Variants in SOX5 observed in about 807,000 individuals in gnomAD.
SOX5 encodes SRY-box transcription factor 5.
SOX5 carries 9 observed loss-of-function variants against 92.0 expected under a neutral mutation model. The ratio of observed to expected loss-of-function variants is 0.10; its 90% CI spans 0.06 to 0.17. The LOEUF (loss-of-function observed/expected upper bound fraction) is 0.17. Ranked by LOEUF, SOX5 falls within the 10% of genes least tolerant of loss-of-function variation. The probability of loss-of-function intolerance (pLI) is 1.00; values close to 1 mark genes in which losing one functional copy is unlikely to be tolerated. For missense variants in SOX5, 642 were observed against 944.5 expected, an observed-to-expected ratio of 0.68 and a Z score of 4.20; for synonymous variants, 344 against 336.3, an observed-to-expected ratio of 1.02 and a Z score of -0.25.
intron 3 of SOX5, among the ~76,000 whole-genome samples, chr12:24,244,444 C>T (rs1938194149): frequency 6.6e-6 from 1 of 152,170 alleles, no homozygotes. Context: ...GGCCTATGCA[C>T]CAGCTGCAGT....
intron 1 of SOX5, among the ~76,000 whole-genome samples, chr12:24,468,494 C>T (rs1371129837): frequency 1.3e-5 from 2 of 151,854 alleles, no homozygotes. Context: ...ATTTCCTAGG[C>T]TTGGCCCCAA....
At chr12:24,061,275 G>A (rs758347705) in intron 4 of SOX5, among the ~76,000 whole-genome samples, 22 of 152,102 alleles carry the variant, frequency 1.4e-4, no homozygotes, top group Admixed American at 1.2e-3. Context: ...TAAGTATCCC[G>A]TAAGTATTAA....
chr12:24,336,073 GTT>G (rs1236831658), intron 2 of SOX5, among the ~76,000 whole-genome samples: 2 of 141,712 alleles, frequency 1.4e-5, no homozygotes, highest in Admixed American at 1.5e-4. Context: ...ATGGGGATAC[GTT>G]TTTTTTGTGT....
chr12:24,079,193 T>TA (rs527892706), intron 4 of SOX5, among the ~76,000 whole-genome samples: 7,304 of 144,182 alleles, frequency 0.051, 204 homozygotes, highest in Admixed American at 0.072. Flanking sequence ...ACAATAAAAT[T>TA]AAAAAAAAAA....
chr12:23,580,371 T>G (rs1022152456), intron 9 of SOX5, among the ~76,000 whole-genome samples: 1 of 152,060 alleles, frequency 6.6e-6, no homozygotes, highest in Non-Finnish European at 1.5e-5. Context: ...AGATAATATA[T>G]GTGCAATAAA....
chr12:23,912,601 G>A (rs2097363421), intron 1 of SOX5, among the ~76,000 whole-genome samples: 1 of 152,110 alleles, frequency 6.6e-6, no homozygotes, highest in African/African-American at 2.4e-5. Flanking sequence ...TCTGTTAAAT[G>A]ATGAATGAAA....
At chr12:23,667,678 G>T (rs901034548) in intron 6 of SOX5, among the ~76,000 whole-genome samples, 4 of 152,128 alleles carry the variant, frequency 2.6e-5, no homozygotes, top group African/African-American at 9.7e-5. Context: ...GTGAGGGGAA[G>T]TAGGAGATAA....
intron 1 of SOX5, among the ~76,000 whole-genome samples, chr12:23,904,575 T>C (rs1568833421): frequency 6.6e-6 from 1 of 152,220 alleles, no homozygotes; most frequent in Non-Finnish European, 1.5e-5. Context: ...TATTTACTTA[T>C]GAATAAATTA....
At position 24,271,839 on chromosome 12, in the gene SOX5, T is replaced by C. The variant is rs1337570274; in HGVS notation, c.-77+5377A>G. Among the ~76,000 whole-genome samples the C allele has an allele frequency of 3.3e-5, 5 of 152,342 alleles. No individual in the cohort carries two copies. The South Asian group carries it at 6.2e-4, about 19-fold the overall frequency. ...GCCTACTTGTCTATCCATGCAGGAA[T>C]GCCATACTTTCTGAATTAACGGAGC... On this transcript the variant is annotated intron_variant, in intron 3 of 4. Transcript: ENST00000446891.
At chr12:23,646,988 T>C (rs2080940223) in intron 7 of SOX5, among the ~76,000 whole-genome samples, 1 of 152,252 alleles carries the variant, frequency 6.6e-6, no homozygotes, top group South Asian at 2.1e-4. Context: ...ATAGCATTTA[T>C]AATTGTAAAT....
At chr12:23,986,114 A>G (rs1332547373) in intron 4 of SOX5, among the ~76,000 whole-genome samples, 3 of 152,182 alleles carry the variant, frequency 2.0e-5, no homozygotes, top group Non-Finnish European at 4.4e-5. Flanking sequence ...CCCTTGTTAT[A>G]TAATATAACA....
intron 6 of SOX5, among the ~76,000 whole-genome samples, chr12:23,707,724 T>C (rs937287023): frequency 6.6e-6 from 1 of 152,112 alleles, no homozygotes; most frequent in African/African-American, 2.4e-5. Flanking sequence ...TTTCAGGAAC[T>C]TTTTATTTTT....
At chr12:24,101,159 T>C (rs1593167296) in intron 4 of SOX5, among the ~76,000 whole-genome samples, 1 of 152,212 alleles carries the variant, frequency 6.6e-6, no homozygotes, top group South Asian at 2.1e-4. Flanking sequence ...AAAACTAAAC[T>C]TCAAACCAAG....
At chr12:23,990,800 C>T (rs1002354300) in intron 4 of SOX5, among the ~76,000 whole-genome samples, 1 of 152,006 alleles carries the variant, frequency 6.6e-6, no homozygotes, top group Non-Finnish European at 1.5e-5. Context: ...CCTAGAACAT[C>T]GTAGGTGCTT....
intron 1 of SOX5, among the ~76,000 whole-genome samples, chr12:23,941,399 T>C (rs901760795): frequency 1.3e-5 from 2 of 151,552 alleles, no homozygotes; most frequent in Non-Finnish European, 3.0e-5. Context: ...TCAAATTAGA[T>C]CCATATTATT....
chr12:23,945,304 C>T (rs1375607032), intron 1 of SOX5, among the ~76,000 whole-genome samples: 2 of 152,142 alleles, frequency 1.3e-5, no homozygotes, highest in Non-Finnish European at 2.9e-5. Flanking sequence ...CAGGTAAATA[C>T]TTTAACATGT....
chr12:24,164,298 C>T (rs868007487), intron 4 of SOX5, among the ~76,000 whole-genome samples: 1 of 151,948 alleles, frequency 6.6e-6, no homozygotes, highest in Non-Finnish European at 1.5e-5. Flanking sequence ...AAAGTTAAAG[C>T]TTTCTTCCTT....
chr12:24,442,009 A>T (rs1940689136), intron 1 of SOX5, among the ~76,000 whole-genome samples: 1 of 152,230 alleles, frequency 6.6e-6, no homozygotes, highest in Non-Finnish European at 1.5e-5. Context: ...AACAGTAAAC[A>T]CGTAAGTCTA....
chr12:23,752,095 C>A (rs773435317), intron 4 of SOX5, among the ~76,000 whole-genome samples: 11 of 151,256 alleles, frequency 7.3e-5, no homozygotes, highest in East Asian at 2.0e-4. Flanking sequence ...GGGAAACAAA[C>A]CAGGCTCTAA....
Sources: gnomAD v4.1 joint callset for allele counts (sites outside exome capture counted in the v4.1 genomes callset) on GRCh38, gnomAD v4.1.1 for gene constraint, MANE v1.5 for transcripts, NCBI Gene and HGNC (gene_info 2026-07-23, HGNC 2026-07-21) for gene names.